The following PKP4 variants were observed in gnomAD, a reference collection of about 807,000 sequenced individuals.
PKP4 encodes plakophilin-4.
A neutral mutation model predicts 145.1 loss-of-function variants in PKP4; 90 were observed. The observed-to-expected ratio is 0.62, with a 90% CI of 0.52 to 0.74. The LOEUF is 0.74. Ranked by LOEUF, PKP4 falls within the 30% of genes least tolerant of loss-of-function variation. The pLI is 0.00. For missense variants in PKP4, 1,340 were observed against 1,482.7 expected, an observed-to-expected ratio of 0.90 and a Z score of 1.58; for synonymous variants, 563 against 577.2, an observed-to-expected ratio of 0.98 and a Z score of 0.35.
At chr2:158,511,554 A>C (rs1211489409) in intron 1 of PKP4, among the ~76,000 whole-genome samples, 1 of 152,146 alleles carries the variant, frequency 6.6e-6, no homozygotes, top group Non-Finnish European at 1.5e-5. Flanking sequence ...ATTTTCTTTA[A>C]CTTTGAAAAA....
chr2:158,517,194 C>G (rs1110510), intron 1 of PKP4, among the ~76,000 whole-genome samples: 131,668 of 152,168 alleles, frequency 0.87, 57,394 homozygotes, highest in South Asian at 0.93. Flanking sequence ...ATTGAGATTT[C>G]ATATGGTTTA....
At chr2:158,587,584 C>G (rs1445133336) in intron 3 of PKP4, among the ~76,000 whole-genome samples, 1 of 152,058 alleles carries the variant, frequency 6.6e-6, no homozygotes, top group Non-Finnish European at 1.5e-5. Context: ...CAACAATGCT[C>G]TTAAATCCTG....
intron 16 of PKP4, chr2:158,669,235 T>C (rs922230975): frequency 6.6e-6 from 1 of 152,444 alleles, no homozygotes; most frequent in Admixed American, 6.5e-5. Context: ...ACCCAGTTCA[T>C]ACATTAAGAT....
chr2:158,530,504 C>CTTTTTTTTTTTTTTT (rs869120223), intron 1 of PKP4, among the ~76,000 whole-genome samples: 5 of 92,150 alleles, frequency 5.4e-5, no homozygotes, highest in African/African-American at 1.7e-4. Context: ...CTCTTTCTTT[C>CTTTTTTTTTTTTTTT]TTTTTTTTTT....
intron 11 of PKP4, among the ~76,000 whole-genome samples, chr2:158,653,476 C>T (rs1325570495): frequency 2.0e-5 from 3 of 152,182 alleles, no homozygotes; most frequent in African/African-American, 7.2e-5. Context: ...ACTTTCATTT[C>T]TCATGGCAGT....
At chr2:158,464,489 T>C (rs1690279307) in intron 1 of PKP4, among the ~76,000 whole-genome samples, 2 of 152,342 alleles carry the variant, frequency 1.3e-5, no homozygotes, top group Admixed American at 6.5e-5. Context: ...TATAGAACTC[T>C]AGTATGTATT....
At chr2:158,495,873 A>G (rs1695634519) in intron 1 of PKP4, among the ~76,000 whole-genome samples, 2 of 110,684 alleles carry the variant, frequency 1.8e-5, no homozygotes, top group Admixed American at 1.9e-4. Context: ...AAATAAATAA[A>G]TAAATAAGAG....
intron 1 of PKP4, among the ~76,000 whole-genome samples, chr2:158,505,876 G>C (rs1408596091): frequency 6.6e-6 from 1 of 151,888 alleles, no homozygotes; most frequent in East Asian, 1.9e-4. Flanking sequence ...GGTCTGAAAT[G>C]TGCCCACCTT....
chr2:158,577,880 T>C (rs1458512430), intron 3 of PKP4, among the ~76,000 whole-genome samples: 1 of 152,228 alleles, frequency 6.6e-6, no homozygotes, highest in Non-Finnish European at 1.5e-5. Flanking sequence ...AAATACTAAA[T>C]GAGTGCATTA....
rs111901339 is a variant in PKP4, at chr2:158,561,657, G to T, written c.133-15614G>T. Among the ~76,000 whole-genome samples, 11 of 152,332 alleles carry T rather than the reference G, an allele frequency of 7.2e-5. 1 individual carries two copies. Among genetic ancestry groups the T allele is most frequent in the Admixed American group, 6.5e-4 (10 of 15,300 alleles). On this transcript the variant is annotated intron_variant, in intron 2 of 21. Transcript: ENST00000389759. The stretch of plus-strand genomic sequence containing the variant: ...CACCTCTGCTCTGTGGCCCCAGGCC[G>T]ACTTCCCAGGTTACATGAGTGCTCG...
At chr2:158,513,508 CT>C (rs1026218849) in intron 1 of PKP4, among the ~76,000 whole-genome samples, 7 of 152,190 alleles carry the variant, frequency 4.6e-5, no homozygotes, top group Non-Finnish European at 1.0e-4. Flanking sequence ...AAGAATCATT[CT>C]TTTCTTTTGC....
chr2:158,642,323 C>A (rs1574921122), intron 10 of PKP4, among the ~76,000 whole-genome samples, 163 bp from the exon 11 acceptor site: 1 of 152,200 alleles, frequency 6.6e-6, no homozygotes, highest in Admixed American at 6.5e-5. Context: ...CGCACCTGGC[C>A]TCTCCTTAGA....
At chr2:158,674,628 A>G (rs984304160) in intron 19 of PKP4, among the ~76,000 whole-genome samples, 1 of 152,138 alleles carries the variant, frequency 6.6e-6, no homozygotes, top group African/African-American at 2.4e-5. Flanking sequence ...CAACCATACT[A>G]CCTACTTCTT....
At chr2:158,639,282 C>T (rs1488071625) in intron 9 of PKP4, among the ~76,000 whole-genome samples, 1 of 151,912 alleles carries the variant, frequency 6.6e-6, no homozygotes, top group African/African-American at 2.4e-5. Flanking sequence ...ATCTCCAGCA[C>T]CATAGCACAG....
At chr2:158,567,687 G>A (rs1275435023) in intron 2 of PKP4, among the ~76,000 whole-genome samples, 4 of 152,194 alleles carry the variant, frequency 2.6e-5, no homozygotes, top group Non-Finnish European at 5.9e-5. Context: ...GAGATTATTG[G>A]TGAGTAGTAT....
intron 11 of PKP4, among the ~76,000 whole-genome samples, chr2:158,652,329 C>T (rs1020509451): frequency 2.6e-5 from 4 of 152,078 alleles, no homozygotes; most frequent in Non-Finnish European, 5.9e-5. Flanking sequence ...GTAGAGGTAA[C>T]GTAAATGTCA....
At chr2:158,585,826 T>C (rs1019105145) in intron 3 of PKP4, among the ~76,000 whole-genome samples, 1 of 151,784 alleles carries the variant, frequency 6.6e-6, no homozygotes, top group Non-Finnish European at 1.5e-5. Flanking sequence ...ATTCAGTGTT[T>C]TTAAGTATAT....
At chr2:158,503,207 C>T (rs1386213252) in intron 1 of PKP4, among the ~76,000 whole-genome samples, 1 of 152,220 alleles carries the variant, frequency 6.6e-6, no homozygotes, top group South Asian at 2.1e-4. Context: ...TCTGCTATTT[C>T]ATAGATGCAT....
At position 158,625,417 on chromosome 2, in the gene PKP4, C is replaced by G. The variant is rs377275750; in HGVS notation, c.1143C>G (p.Asp381Glu). The G allele has an allele frequency of 2.4e-5, 39 of 1,609,856 alleles. No homozygotes were observed. Among genetic ancestry groups the G allele is most frequent in the Non-Finnish European group, 2.8e-5 (33 of 1,176,848 alleles). Residue 381 changes from aspartate to glutamate, a missense_variant, in exon 7 of 22, where the codon GAC (aspartate) becomes GAG (glutamate). Asp to Glu is a conservative substitution (Grantham distance 45, BLOSUM62 2). Transcript: ENST00000389759. ...AGAGGATGGTTCCACCCAGGCCAGA[C>G]AGCCTGACAGGTGCGTACAAGGTGA... ...IYERMVPPRP[D>E]SLTGLRSSYA...
Sources: gnomAD v4.1 joint callset for allele counts (sites outside exome capture counted in the v4.1 genomes callset) on GRCh38, gnomAD v4.1.1 for gene constraint, MANE v1.5 for transcripts, NCBI Gene and HGNC (gene_info 2026-07-23, HGNC 2026-07-21) for gene names.